PCDHGA6: variants seen among roughly 807,000 people sequenced by gnomAD.
PCDHGA6 encodes the protein protocadherin gamma-A6.
PCDHGA6 carries 41 observed loss-of-function variants against 60.6 expected under a neutral mutation model. That is an observed-to-expected ratio of 0.68 (90% CI 0.53 to 0.88). The LOEUF is 0.88. Ranked by LOEUF, PCDHGA6 falls within the 40% of genes least tolerant of loss-of-function variation. PCDHGA6 has a pLI of 0.00. For missense variants in PCDHGA6, 1,312 were observed against 1,203.0 expected, an observed-to-expected ratio of 1.09 and a Z score of -1.34; for synonymous variants, 594 against 524.4, an observed-to-expected ratio of 1.13 and a Z score of -1.81.
intron 1 of PCDHGA6, chr5:141,424,160 C>A (rs187420643): frequency 6.3e-4 from 172 of 273,324 alleles, no homozygotes; most frequent in South Asian, 2.2e-3. Flanking sequence ...CTCTCCTTCT[C>A]ATCTATCTAT....
In PCDHGA6 at chr5:141,374,293, T is replaced by C. The variant is rs369929839; in HGVS notation, c.210T>C (p.Gly70=). The C allele has an allele frequency of 1.2e-6, 2 of 1,613,788 alleles. No homozygotes were observed. Among genetic ancestry groups the C allele is most frequent in the African/African-American group, 1.3e-5 (1 of 74,928 alleles). Residue 70 remains glycine (G), a synonymous_variant, in exon 1 of 4, where the codon GGT becomes GGC. Transcript: ENST00000517434. ...AEHGVRIVSR[G]RMQLFSLNPR... ...ACGGAGTCCGCATCGTCTCCAGAGGTAGGATGCAGCTTTTCTCTCTGAATC... is the reference window on the plus strand; with the variant it reads ...ACGGAGTCCGCATCGTCTCCAGAGGCAGGATGCAGCTTTTCTCTCTGAATC...
Position 141,505,556 on chromosome 5 carries a change from C to T in PCDHGA6, c.2572+75C>T, listed in dbSNP as rs2233611. ...GGGTGCATCTCACAGCCACCATGCC[C>T]ACGGACTGGATGTCAAACCTGTGTA... On this transcript the variant is annotated intron_variant, in intron 3 of 3. Transcript: ENST00000517434. 1,282 of 1,606,040 alleles carry T rather than the reference C, an allele frequency of 8.0e-4. 6 individuals are homozygous for T. In the African/African-American group the frequency reaches 0.013, roughly 16 times the overall value.
rs1188941232 is a variant in PCDHGA6, at chr5:141,512,270, G to A, written c.*1097G>A. ...TCTGTGGGTGCTGGGTACTCCAGAG[G>A]TGCCACTGGTGGAAGGGTCAGCGGA... On this transcript the variant is annotated 3_prime_UTR_variant, in exon 4 of 4. Coordinates refer to ENST00000517434, the MANE Select transcript of PCDHGA6 (RefSeq NM_018919.3). The A allele has an allele frequency of 1.3e-5, 2 of 152,714 alleles. No individual in the cohort carries two copies. The highest frequency in any genetic ancestry group is 2.9e-5 in the Non-Finnish European group (2 of 68,100). The allele number at this position is 152,714 out of a possible 1,614,324, so 9.5% of individuals were successfully genotyped here.
intron 1 of PCDHGA6, chr5:141,440,759 C>T (rs1160288117): frequency 1.3e-5 from 2 of 152,158 alleles, no homozygotes; most frequent in Admixed American, 6.6e-5. Flanking sequence ...AAGCAGAGCT[C>T]CCATCCCTTA....
chr5:141,395,542 T>TTGTTTGTGTGTG (rs1267535064), intron 1 of PCDHGA6: 12 of 168,716 alleles, frequency 7.1e-5, no homozygotes, highest in African/African-American at 6.9e-4. Flanking sequence ...TTGCTATTGT[T>TTGTTTGTGTGTG]TGTGTGTGTG....
chr5:141,415,029 G>A (rs777967290), intron 1 of PCDHGA6: 4 of 1,613,436 alleles, frequency 2.5e-6, no homozygotes, highest in Non-Finnish European at 3.4e-6. Flanking sequence ...CCAGCGAGCC[G>A]GGACTCTTCG....
At chr5:141,433,358 CCTATCTATCTATCTATCTAT>C (rs3074541) in intron 1 of PCDHGA6, 19 of 503,934 alleles carry the variant, frequency 3.8e-5, no homozygotes, top group South Asian at 2.3e-4. Flanking sequence ...CTACTGTCTG[CCTATCTATCTATCTATCTAT>C]CTATCTATCT....
intron 1 of PCDHGA6, among the ~76,000 whole-genome samples, chr5:141,469,315 G>A (rs1160946697): frequency 6.6e-6 from 1 of 151,866 alleles, no homozygotes; most frequent in African/African-American, 2.4e-5. Flanking sequence ...GATGGCTCAC[G>A]CCTGTAATCC....
chr5:141,476,190 C>T lies in PCDHGA6; in HGVS notation c.2425-18617C>T. On this transcript the variant is annotated intron_variant, in intron 1 of 3. Transcript: ENST00000517434. The surrounding 1 kb of genome is among the most constrained non-coding windows in gnomAD (Gnocchi z 7.6). ...GTGGGAGTTTTGCTTCTGCTTGGTG[C>T]CTTGAACAAGGCTTCCACGGTCATT... is the stretch of plus-strand genomic sequence containing the variant. 3.1e-6 allele frequency: 5 copies of T among 1,613,694 alleles called. No individual in the cohort carries two copies. The highest frequency in any genetic ancestry group is 4.2e-6 in the Non-Finnish European group (5 of 1,179,988).
At position 141,432,370 on chromosome 5, in the gene PCDHGA6, C is replaced by A. The variant is rs1362496624; in HGVS notation, c.2424+55863C>A. On this transcript the variant is annotated intron_variant, in intron 1 of 3. Transcript: ENST00000517434. The surrounding 1 kb of genome is among the most constrained non-coding windows in gnomAD (Gnocchi z 6.0). Reference sequence around the variant, plus strand: ...AAGTGAAAGTGATGGCGCGGGACAACGGGCACCCGCCCCTCAGCAGCAACG... The same window carrying A: ...AAGTGAAAGTGATGGCGCGGGACAAAGGGCACCCGCCCCTCAGCAGCAACG... The A allele has an allele frequency of 6.2e-7, 1 of 1,614,240 alleles. No homozygotes were observed. The highest frequency in any genetic ancestry group is 8.5e-7 in the Non-Finnish European group (1 of 1,180,048).
Position 141,486,054 on chromosome 5 carries a change from G to T in PCDHGA6, c.2425-8753G>T. The T allele has an allele frequency of 1.2e-6, 2 of 1,614,124 alleles. No homozygotes were observed. Among genetic ancestry groups the T allele is most frequent in the South Asian group, 1.1e-5 (1 of 91,072 alleles). On this transcript the variant is annotated intron_variant, in intron 1 of 3. Transcript: ENST00000517434. The surrounding 1 kb of genome is among the most constrained non-coding windows in gnomAD (Gnocchi z 5.0). The stretch of plus-strand genomic sequence containing the variant: ...CCTGATCGTGTAAGAAACCTCTTTA[G>T]CCTGCACCCCACTACTGGAAAGCTT...
chr5:141,423,880 G>C, intron 1 of PCDHGA6: 1 of 1,282,292 alleles, frequency 7.8e-7, no homozygotes, highest in Non-Finnish European at 9.9e-7. Context: ...TTTCAATCTT[G>C]GCATATTTTC....
At chr5:141,430,551 C>T (rs2097292247) in intron 1 of PCDHGA6, 2 of 406,412 alleles carry the variant, frequency 4.9e-6, no homozygotes, top group Admixed American at 4.1e-5. Context: ...CCGCTGTTCA[C>T]CAATCGGGGA....
In PCDHGA6 at chr5:141,375,793, C is replaced by G. The variant is rs761231690; in HGVS notation, c.1710C>G (p.Asp570Glu). The G allele has an allele frequency of 6.2e-7, 1 of 1,614,110 alleles. No individual in the cohort carries two copies. The highest frequency in any genetic ancestry group is 8.5e-7 in the Non-Finnish European group (1 of 1,180,038). ...PEILYPALPTDGSTGVELAPR... is the reference protein window; with the variant it reads ...PEILYPALPTEGSTGVELAPR... ...TCCTGTACCCCGCCCTCCCCACAGA[C>G]GGTTCCACTGGCGTGGAGCTGGCGC... Residue 570 changes from aspartate (D) to glutamate (E), a missense_variant, in exon 1 of 4, where the codon GAC becomes GAG. Asp to Glu is a conservative substitution (Grantham distance 45). Transcript: ENST00000517434.
intron 1 of PCDHGA6, chr5:141,403,279 G>C (rs779882720): frequency 6.2e-7 from 1 of 1,613,900 alleles, no homozygotes. Flanking sequence ...TTAAAGTCCT[G>C]GTTGAAGACA....
At chr5:141,458,264 G>A (rs1489144612) in intron 1 of PCDHGA6, among the ~76,000 whole-genome samples, 3 of 152,092 alleles carry the variant, frequency 2.0e-5, no homozygotes, top group Non-Finnish European at 2.9e-5. Flanking sequence ...GATGAGTGGA[G>A]GAACAACAGG....
rs145936007 is a variant in PCDHGA6, at chr5:141,490,795, C to T, written c.2425-4012C>T. 2.0e-5 allele frequency: 33 copies of T among 1,614,036 alleles called. No homozygotes were observed. Among genetic ancestry groups the T allele is most frequent in the Non-Finnish European group, 2.8e-5 (33 of 1,179,922 alleles). ...CCCAGAGGATGGACGGATCTTTGCC[C>T]AGCGTACCTTTGACTATGAATTGCT... On this transcript the variant is annotated intron_variant, in intron 1 of 3. Coordinates refer to ENST00000517434, the MANE Select transcript of PCDHGA6 (RefSeq NM_018919.3). This position sits in a 1 kb window ranked among gnomAD's most constrained non-coding sequence, Gnocchi z 5.4.
rs868598149 is a variant in PCDHGA6, at chr5:141,375,181, C to T, written c.1098C>T (p.Ile366=). The change falls in exon 1 of 4, where the codon ATC becomes ATT. Residue 366 remains isoleucine (I), a synonymous_variant. Transcript: ENST00000517434. ...AAAGTGCACCTCCAGGAACAGTAATCGCCCTTTTTCAAGTGTTCGATCGAG... is the reference window on the plus strand; with the variant it reads ...AAAGTGCACCTCCAGGAACAGTAATTGCCCTTTTTCAAGTGTTCGATCGAG... The part of the protein sequence containing the change: ...IAESAPPGTV[I]ALFQVFDRDS... 1 of 1,613,954 alleles carries T rather than the reference C, an allele frequency of 6.2e-7. No individual in the cohort carries two copies. Among genetic ancestry groups the T allele is most frequent in the Non-Finnish European group, 8.5e-7 (1 of 1,179,892 alleles).
At chr5:141,482,530 CAAA>C (rs3074545) in intron 1 of PCDHGA6, among the ~76,000 whole-genome samples, 29 of 76,552 alleles carry the variant, frequency 3.8e-4, no homozygotes, top group African/African-American at 9.1e-4. Context: ...GACAGACATG[CAAA>C]AAAAAAAAAA....
Sources: allele counts gnomAD v4.1 joint callset (sites outside exome capture counted in the v4.1 genomes callset), GRCh38; gene constraint gnomAD v4.1.1; non-coding constraint Gnocchi (gnomAD v3.1); transcripts MANE v1.5; gene names NCBI Gene and HGNC (gene_info 2026-07-23, HGNC 2026-07-21).